OPRM1: variants seen among roughly 807,000 people sequenced by gnomAD.
OPRM1 encodes opioid receptor mu 1.
In OPRM1, 27 loss-of-function variants were observed where a neutral mutation model predicts 31.8. The observed-to-expected ratio is 0.85, with a 90% CI of 0.63 to 1.17. The LOEUF is 1.17. Among genes scored for constraint, OPRM1 ranks in the 50% most tolerant of loss-of-function variants. The probability of loss-of-function intolerance (pLI) is 0.00; values close to 1 mark genes in which losing one functional copy is unlikely to be tolerated. For synonymous variants in OPRM1, 196 were observed against 189.9 expected (o/e 1.03, Z -0.26); for missense variants, 536 against 511.1 (o/e 1.05, Z -0.47).
intron 1 of OPRM1, among the ~76,000 whole-genome samples, chr6:154,046,084 T>C (rs549166384): frequency 2.6e-5 from 4 of 152,348 alleles, no homozygotes; most frequent in Admixed American, 2.6e-4. Context: ...TATTTTATAA[T>C]TGGTGACTAT....
At chr6:154,235,523 C>T (rs1199159923) in intron 3 of OPRM1, among the ~76,000 whole-genome samples, 4 of 112,840 alleles carry the variant, frequency 3.5e-5, no homozygotes, top group East Asian at 2.6e-4. Flanking sequence ...AAGAGCAAAA[C>T]TCTGTCACAA....
In OPRM1 at chr6:154,021,894, C is replaced by T. The variant is rs141548709; in HGVS notation, c.-1+10876C>T. The stretch of plus-strand genomic sequence containing the variant: ...AGATTTTCTACATAGACAATCATGT[C>T]ATCTGCAAACAAAGGCAGTTCTATT... On this transcript the variant is annotated intron_variant, in intron 1 of 5. Transcript: ENST00000434900. Among the ~76,000 whole-genome samples the T allele has an allele frequency of 4.6e-3, 692 of 151,886 alleles. 1 individual carries two copies. The highest frequency in any genetic ancestry group is 0.015 in the African/African-American group (616 of 41,210).
chr6:154,214,193 T>C, intron 3 of OPRM1: 3 of 1,501,664 alleles, frequency 2.0e-6, no homozygotes, highest in Middle Eastern at 1.7e-4. Context: ...TTGCTAAATT[T>C]TCAGAAATTT....
Position 154,123,929 on chromosome 6 carries a change from C to T in OPRM1, c.*5208C>T, listed in dbSNP as rs1797440645. 6.6e-6 allele frequency among the ~76,000 whole-genome samples: 1 copy of T among 152,142 alleles called. No homozygotes were observed. On this transcript the variant is annotated 3_prime_UTR_variant, in exon 4 of 4. Transcript: ENST00000330432. ...AGATCTTCGTGACCTGTACCTTGTGCCAACCTCCTATCTCTTCCTGTGACT... is the reference window on the plus strand; with the variant it reads ...AGATCTTCGTGACCTGTACCTTGTGTCAACCTCCTATCTCTTCCTGTGACT...
intron 3 of OPRM1, among the ~76,000 whole-genome samples, chr6:154,230,912 T>C (rs953096352): frequency 6.6e-6 from 1 of 152,354 alleles, no homozygotes; most frequent in South Asian, 2.1e-4. Flanking sequence ...TAATATACTT[T>C]TGTGTTTTTA....
chr6:154,039,267 G>A lies in OPRM1; in HGVS notation c.-278G>A, dbSNP rs577434238. ...CCCTCCCTTCCAGCCTCCGAATCCC[G>A]CATGGCCCACGCTCCCCTCCTGCAG... On this transcript the variant is annotated 5_prime_UTR_variant, in exon 1 of 4. Transcript: ENST00000330432. 2 of 1,551,468 alleles carry A rather than the reference G, an allele frequency of 1.3e-6. No homozygotes were observed. The highest frequency in any genetic ancestry group is 3.9e-5 in the Admixed American group (2 of 50,976).
At chr6:154,111,589 C>G (rs1248311354) in intron 3 of OPRM1, among the ~76,000 whole-genome samples, 1 of 152,158 alleles carries the variant, frequency 6.6e-6, no homozygotes, top group Non-Finnish European at 1.5e-5. Flanking sequence ...TCCAAAAGTG[C>G]AGGAAATACA....
chr6:154,145,210 G>A lies in OPRM1; in HGVS notation c.1164+53738G>A, dbSNP rs367674225. 5.9e-5 allele frequency among the ~76,000 whole-genome samples: 9 copies of A among 152,110 alleles called. No individual in the cohort carries two copies. The East Asian group carries it at 9.6e-4, about 16-fold the overall frequency. ...GAAACAAACCAACAAACTTCTGTTGGCAGATGACATGACTGTGATTATCTT... is the reference window on the plus strand; with the variant it reads ...GAAACAAACCAACAAACTTCTGTTGACAGATGACATGACTGTGATTATCTT... On this transcript the variant is annotated intron_variant, in intron 3 of 3. Coordinates refer to the OPRM1 transcript ENST00000337049.
At chr6:154,040,413 T>G (rs17174645) in intron 1 of OPRM1, among the ~76,000 whole-genome samples, 6,072 of 152,254 alleles carry the variant, frequency 0.04, 365 homozygotes, top group African/African-American at 0.14. Flanking sequence ...TAGCAGCCCT[T>G]ACCCAACTCT....
chr6:154,172,507 G>A (rs1442844265), intron 3 of OPRM1, among the ~76,000 whole-genome samples: 1 of 152,208 alleles, frequency 6.6e-6, no homozygotes, highest in African/African-American at 2.4e-5. Flanking sequence ...TGGCTCGGTG[G>A]GTCCCACACC....
chr6:154,039,673 C>A lies in OPRM1; in HGVS notation c.129C>A (p.Asp43Glu), dbSNP rs964913551. Residue 43 changes from aspartate to glutamate, a missense_variant, in exon 1 of 4, where the codon GAC becomes GAA. Asp to Glu is a conservative substitution (Grantham distance 45, BLOSUM62 2). Coordinates refer to ENST00000330432, the MANE Select transcript of OPRM1 (RefSeq NM_000914.5). ...NLSHLDGNLS[D>E]PCGPNRTDLG... Reference sequence around the variant, plus strand: ...CCCACTTAGATGGCAACCTGTCCGACCCATGCGGTCCGAACCGCACCGACC... The same window carrying A: ...CCCACTTAGATGGCAACCTGTCCGAACCATGCGGTCCGAACCGCACCGACC... 6.2e-7 allele frequency: 1 copy of A among 1,614,052 alleles called. No individual in the cohort carries two copies. The highest frequency in any genetic ancestry group is 8.5e-7 in the Non-Finnish European group (1 of 1,179,954).
intron 1 of OPRM1, among the ~76,000 whole-genome samples, chr6:154,049,566 G>A (rs1781805767): frequency 6.6e-6 from 1 of 152,118 alleles, no homozygotes; most frequent in Non-Finnish European, 1.5e-5. Context: ...CTCAAATAAT[G>A]AGAATCAAAT....
chr6:154,122,425 C>A lies in OPRM1; in HGVS notation c.*3704C>A, dbSNP rs1562492014. Among the ~76,000 whole-genome samples, 1 of 151,690 alleles carries A rather than the reference C, an allele frequency of 6.6e-6. No individual in the cohort carries two copies. Among genetic ancestry groups the A allele is most frequent in the Non-Finnish European group, 1.5e-5 (1 of 68,004 alleles). On this transcript the variant is annotated 3_prime_UTR_variant, in exon 4 of 4. Transcript: ENST00000330432. The stretch of plus-strand genomic sequence containing the variant: ...ACTGCAACTCTAACCACTGTGTTTC[C>A]CCCAGTTTGATATGGTTCAGGATAC...
At chr6:154,094,947 A>T (rs1027751265) in intron 3 of OPRM1, among the ~76,000 whole-genome samples, 1 of 152,214 alleles carries the variant, frequency 6.6e-6, no homozygotes, top group Admixed American at 6.5e-5. Flanking sequence ...TCCTGAGGGC[A>T]GGAGCCGTGT....
intron 1 of OPRM1, among the ~76,000 whole-genome samples, chr6:154,029,541 C>T (rs1377189316): frequency 6.6e-6 from 1 of 152,146 alleles, no homozygotes; most frequent in Non-Finnish European, 1.5e-5. Context: ...CCAATTCTAT[C>T]CTCAAAAAAT....
upstream of OPRM1, among the ~76,000 whole-genome samples, chr6:154,036,519 T>C (rs576214326): frequency 6.6e-6 from 1 of 152,054 alleles, no homozygotes; most frequent in Non-Finnish European, 1.5e-5. Context: ...AAAAAACAAC[T>C]GTTTCTAGAA....
At chr6:154,022,499 T>C (rs2128382426) in intron 1 of OPRM1, among the ~76,000 whole-genome samples, 1 of 152,330 alleles carries the variant, frequency 6.6e-6, no homozygotes, top group South Asian at 2.1e-4. Flanking sequence ...CTCCATTCTA[T>C]AGGTTGTCTC....
intron 3 of OPRM1, among the ~76,000 whole-genome samples, chr6:154,221,830 T>C (rs893334507): frequency 2.0e-5 from 3 of 152,016 alleles, no homozygotes; most frequent in Non-Finnish European, 4.4e-5. Context: ...GCCGAGATCA[T>C]GCCACTGCAC....
At chr6:154,204,238 A>G (rs1008350908) in intron 3 of OPRM1, among the ~76,000 whole-genome samples, 2 of 152,138 alleles carry the variant, frequency 1.3e-5, no homozygotes, top group Non-Finnish European at 2.9e-5. Context: ...CTTTTCTTGG[A>G]ATTGTTTTTC....
Sources: gnomAD v4.1 joint callset for allele counts (sites outside exome capture counted in the v4.1 genomes callset) on GRCh38, gnomAD v4.1.1 for gene constraint, MANE v1.5 for transcripts, NCBI Gene and HGNC (gene_info 2026-07-23, HGNC 2026-07-21) for gene names.